The following ARID1B variants were observed in gnomAD, a reference collection of about 807,000 sequenced individuals.
The protein encoded by ARID1B is AT-rich interactive domain-containing protein 1B.
In ARID1B, 30 loss-of-function variants were observed where a neutral mutation model predicts 212.3. The ratio of observed to expected loss-of-function variants is 0.14; its 90% CI spans 0.11 to 0.19. The LOEUF is 0.19. ARID1B is among the 10% of genes least tolerant of loss of function. ARID1B has a pLI of 1.00. For synonymous variants in ARID1B, 1,402 were observed against 1,301.7 expected, an observed-to-expected ratio of 1.08 and a Z score of -1.66; for missense variants, 2,891 against 3,204.0, an observed-to-expected ratio of 0.90 and a Z score of 2.36.
chr6:156,990,385 G>A (rs1778200532), intron 4 of ARID1B, among the ~76,000 whole-genome samples: 1 of 151,998 alleles, frequency 6.6e-6, no homozygotes, highest in African/African-American at 2.4e-5. Flanking sequence ...GCTCACACCT[G>A]TAATCCCAGC....
intron 4 of ARID1B, among the ~76,000 whole-genome samples, chr6:156,967,118 G>A (rs767750581): frequency 3.3e-5 from 5 of 152,096 alleles, no homozygotes; most frequent in African/African-American, 9.7e-5. Context: ...TTAAATTGCC[G>A]TGATTAGAAA....
At chr6:157,064,394 A>T (rs1783542719) in intron 4 of ARID1B, among the ~76,000 whole-genome samples, 1 of 152,190 alleles carries the variant, frequency 6.6e-6, no homozygotes, top group Non-Finnish European at 1.5e-5. Flanking sequence ...CGTAATATTA[A>T]AGAGCAAAAT....
chr6:157,167,755 A>C (rs1034406620), intron 9 of ARID1B: 1 of 152,562 alleles, frequency 6.6e-6, no homozygotes, highest in Non-Finnish European at 1.5e-5. Flanking sequence ...CGTTCTTAAA[A>C]GTCATGCCTG....
chr6:157,195,912 T>C (rs1006692623), intron 15 of ARID1B: 2 of 390,796 alleles, frequency 5.1e-6, no homozygotes, highest in Non-Finnish European at 9.2e-6. Flanking sequence ...AATACAAAAA[T>C]TAGCCAGGTG....
At chr6:157,182,622 G>A (rs1379605697) in intron 12 of ARID1B, among the ~76,000 whole-genome samples, 2 of 151,980 alleles carry the variant, frequency 1.3e-5, no homozygotes, top group Non-Finnish European at 2.9e-5. Context: ...GGAGAAAGGG[G>A]AGGCCTTCTT....
At chr6:156,801,527 T>C (rs1029058107) in intron 1 of ARID1B, among the ~76,000 whole-genome samples, 2 of 152,136 alleles carry the variant, frequency 1.3e-5, no homozygotes, top group African/African-American at 4.8e-5. Flanking sequence ...CTATCTTTGA[T>C]AGTACAAATG....
At chr6:156,821,691 G>A (rs1782364229) in intron 1 of ARID1B, among the ~76,000 whole-genome samples, 2 of 152,166 alleles carry the variant, frequency 1.3e-5, no homozygotes, top group Non-Finnish European at 2.9e-5. Flanking sequence ...GGAAATGCAT[G>A]GCATATGTTG....
intron 4 of ARID1B, among the ~76,000 whole-genome samples, chr6:157,021,847 A>G (rs1180710715): frequency 8.6e-5 from 13 of 151,980 alleles, no homozygotes; most frequent in Non-Finnish European, 1.8e-4. Context: ...AGACTCACGC[A>G]GGCACCGAGT....
rs1378860455 is a variant in ARID1B, at chr6:157,123,155, A to G, written c.2582-9873A>G. 3.3e-4 allele frequency among the ~76,000 whole-genome samples: 50 copies of G among 151,420 alleles called. 3 individuals carry two copies. Among genetic ancestry groups the G allele is most frequent in the Admixed American group, 3.2e-3 (48 of 15,174 alleles). ...CTCCTCACATTGAGAGTCTATTCAG[A>G]TACTCGATGGGGATTTTGAGATCTT... is the stretch of plus-strand genomic sequence containing the variant. On this transcript the variant is annotated intron_variant, in intron 6 of 19. Transcript: ENST00000636930.
chr6:156,879,784 T>C (rs1190403038), intron 2 of ARID1B, among the ~76,000 whole-genome samples: 1 of 152,222 alleles, frequency 6.6e-6, no homozygotes, highest in Non-Finnish European at 1.5e-5. Context: ...CATGTGTATA[T>C]ATGTGCAGCG....
chr6:157,140,810 C>A, intron 7 of ARID1B: 1 of 395,670 alleles, frequency 2.5e-6, no homozygotes, highest in Non-Finnish European at 4.5e-6. Flanking sequence ...GCTTCTGCCC[C>A]GGGAGAGGCA....
intron 4 of ARID1B, among the ~76,000 whole-genome samples, chr6:157,045,489 CAG>C (rs987038619): frequency 9.9e-5 from 15 of 152,126 alleles, no homozygotes; most frequent in Non-Finnish European, 2.1e-4. Context: ...TTCTGTGAGA[CAG>C]AGTCTCTCTC....
At chr6:156,998,866 G>A (rs142764034) in intron 4 of ARID1B, among the ~76,000 whole-genome samples, 174 of 152,312 alleles carry the variant, frequency 1.1e-3, no homozygotes, top group African/African-American at 3.9e-3. Context: ...GGAAGAAAGC[G>A]TTCTTTTCCT....
rs1779118895 is a variant in ARID1B, at chr6:157,004,890, C to CTTTTTTGTTTTTTTT, written c.2247+69320_2247+69321insGTTTTTTTTTTTTTT. On this transcript the variant is annotated intron_variant, in intron 4 of 19. Transcript: ENST00000636930. ...GCATTTCTTTTTTCTTTTTCTTCTT[C>CTTTTTTGTTTTTTTT]TTTTTTCTTTTTTTTTTTTTTTTTT... 2.0e-4 allele frequency among the ~76,000 whole-genome samples: 7 copies of CTTTTTTGTTTTTTTT among 35,694 alleles called. 1 individual carries two copies. Among genetic ancestry groups the CTTTTTTGTTTTTTTT allele is most frequent in the Non-Finnish European group, 2.2e-4 (3 of 13,822 alleles). The allele number at this position is 35,694 out of a possible 152,430, so 23.4% of individuals were successfully genotyped here.
At chr6:157,076,803 T>C (rs1040504546) in intron 4 of ARID1B, among the ~76,000 whole-genome samples, 2 of 152,234 alleles carry the variant, frequency 1.3e-5, no homozygotes, top group African/African-American at 4.8e-5. Context: ...TTAATATTTA[T>C]AGGTTCCTAC....
intron 4 of ARID1B, among the ~76,000 whole-genome samples, chr6:157,026,302 C>G (rs1387068633): frequency 2.6e-5 from 4 of 152,216 alleles, no homozygotes. Flanking sequence ...CCAGACAATA[C>G]TGCTTTCTGT....
chr6:156,805,722 GT>G (rs1455686188), intron 1 of ARID1B, among the ~76,000 whole-genome samples: 1 of 151,968 alleles, frequency 6.6e-6, no homozygotes, highest in African/African-American at 2.4e-5. Context: ...TTTAGAGACA[GT>G]GGAGTGCAGT....
intron 4 of ARID1B, among the ~76,000 whole-genome samples, chr6:157,021,335 C>A (rs1398893587): frequency 6.6e-6 from 1 of 152,252 alleles, no homozygotes; most frequent in African/African-American, 2.4e-5. Flanking sequence ...TCCACGGACC[C>A]CGGAATCCCC....
intron 4 of ARID1B, chr6:157,022,182 GGGCCGGCGGGAGGTGGGCGGGGCGA>G (rs1356521210): frequency 1.3e-5 from 2 of 152,006 alleles, no homozygotes; most frequent in Non-Finnish European, 2.9e-5. Context: ...TGGAGGGGCG[GGGCCGGCGGGAGGTGGGCGGGGCGA>G]GGCTGGCAGG....
Sources: gnomAD v4.1 joint callset for allele counts (sites outside exome capture counted in the v4.1 genomes callset) on GRCh38, gnomAD v4.1.1 for gene constraint, MANE v1.5 for transcripts, NCBI Gene and HGNC (gene_info 2026-07-23, HGNC 2026-07-21) for gene names.